Variants in LARP6 observed in about 807,000 individuals in gnomAD.
LARP6 encodes the protein la-related protein 6.
LARP6 carries 18 observed loss-of-function variants against 32.8 expected under a neutral mutation model. That is an observed-to-expected ratio of 0.55 (90% CI 0.38 to 0.81). LARP6 has a LOEUF of 0.81. LARP6 is among the 40% of genes least tolerant of loss of function. The pLI, the probability that LARP6 is intolerant of heterozygous loss-of-function variation, is 0.00. For synonymous variants in LARP6, 289 were observed against 267.2 expected, an observed-to-expected ratio of 1.08 and a Z score of -0.80; for missense variants, 598 against 663.1, an observed-to-expected ratio of 0.90 and a Z score of 1.08.
At chr15:70,850,427 T>C (rs997068578) in intron 1 of LARP6, among the ~76,000 whole-genome samples, 10 of 152,182 alleles carry the variant, frequency 6.6e-5, no homozygotes, top group African/African-American at 2.2e-4. Flanking sequence ...CTGATGAACA[T>C]AGATGCAAAA....
intron 1 of LARP6, among the ~76,000 whole-genome samples, chr15:70,843,838 T>C (rs918356263): frequency 1.1e-4 from 16 of 151,952 alleles, no homozygotes; most frequent in Admixed American, 3.3e-4. Context: ...TGTATTTTAG[T>C]AGAGACAGGG....
chr15:70,845,929 T>C (rs1244049876), intron 1 of LARP6, among the ~76,000 whole-genome samples: 1 of 152,266 alleles, frequency 6.6e-6, no homozygotes, highest in Non-Finnish European at 1.5e-5. Flanking sequence ...TAGATCTCCG[T>C]AGTGAGCTCA....
chr15:70,837,296 G>A (rs917218521), intron 1 of LARP6, among the ~76,000 whole-genome samples: 5 of 152,006 alleles, frequency 3.3e-5, no homozygotes, highest in African/African-American at 1.2e-4. Context: ...GGTGGGAGGA[G>A]AGCTTGAACC....
chr15:70,834,484 T>C (rs1424128285), intron 2 of LARP6, among the ~76,000 whole-genome samples: 1 of 152,182 alleles, frequency 6.6e-6, no homozygotes, highest in East Asian at 1.9e-4. Flanking sequence ...TGGTGAAGCC[T>C]TCTCCGAAAA....
intron 1 of LARP6, 136 bp from the exon 2 acceptor site, chr15:70,836,641 T>A: frequency 1.5e-6 from 1 of 684,470 alleles, no homozygotes. Context: ...GCAGATGCAA[T>A]TAATTAAGAT....
chr15:70,853,851 C>G, intron 1 of LARP6, 38 bp downstream of exon 1: 3 of 1,225,928 alleles, frequency 2.4e-6, no homozygotes, highest in Non-Finnish European at 3.1e-6. Flanking sequence ...CCCGGCGCCC[C>G]CTCGGGGCCC....
chr15:70,836,603 A>C (rs1470212606), intron 1 of LARP6, 98 bp from the exon 2 acceptor site: 1 of 941,690 alleles, frequency 1.1e-6, no homozygotes, highest in Non-Finnish European at 1.7e-6. Flanking sequence ...ACCTTGGAGT[A>C]TGATGTTATT....
Position 70,832,525 on chromosome 15 carries a change from A to G in LARP6, c.1003T>C (p.Ser335Pro). 1 of 1,544,488 alleles carries G rather than the reference A, an allele frequency of 6.5e-7. No homozygotes were observed. The highest frequency in any genetic ancestry group is 1.3e-5 in the South Asian group (1 of 77,850). The change falls in exon 3 of 3, where the codon TCT (serine) becomes CCT (proline). Residue 335 changes from serine to proline, a missense_variant. Transcript: ENST00000299213. ...EELQYMGDES[S>P]ANSSSDPESN... ...TCGGGGTCAGAGGAGCTGTTGGCAG[A>G]AGACTCATCACCCATGTACTGAAGC...
At chr15:70,844,172 G>T (rs1231759765) in intron 1 of LARP6, among the ~76,000 whole-genome samples, 2 of 152,062 alleles carry the variant, frequency 1.3e-5, no homozygotes, top group East Asian at 3.9e-4. Context: ...GGCCAGGCTG[G>T]TCTCAAACTC....
chr15:70,838,928 G>C, intron 1 of LARP6, among the ~76,000 whole-genome samples: 1 of 104,684 alleles, frequency 9.6e-6, no homozygotes, highest in African/African-American at 3.1e-5. Flanking sequence ...AAAAAAAAAA[G>C]AAAAGAAGCA....
chr15:70,841,155 C>T (rs1204442556), intron 1 of LARP6, among the ~76,000 whole-genome samples: 1 of 152,048 alleles, frequency 6.6e-6, no homozygotes, highest in African/African-American at 2.4e-5. Flanking sequence ...CCTCGTGATC[C>T]GCCCACCTCG....
chr15:70,842,444 A>G (rs1277295781), intron 1 of LARP6, among the ~76,000 whole-genome samples: 1 of 152,080 alleles, frequency 6.6e-6, no homozygotes, highest in African/African-American at 2.4e-5. Flanking sequence ...TAAGCTCATC[A>G]AATTCAAATC....
Position 70,831,075 on chromosome 15 carries a change from A to G in LARP6, c.*977T>C, listed in dbSNP as rs138542219. On this transcript the variant is annotated 3_prime_UTR_variant, in exon 3 of 3. Transcript: ENST00000299213. ...TCCAGCGTGCATCAGAATCACCTGC[A>G]GCGTTTGTTAAAACCCAAATTCCAG... 6.6e-6 allele frequency: 1 copy of G among 152,348 alleles called. No homozygotes were observed. Among genetic ancestry groups the G allele is most frequent in the Non-Finnish European group, 1.5e-5 (1 of 68,042 alleles). The allele number at this position is 152,348 out of a possible 1,614,324, so 9.4% of individuals were successfully genotyped here. A position where few individuals can be genotyped will look rare whatever the true frequency, so the allele number is the denominator to read the frequency against.
At chr15:70,850,648 T>C (rs976928811) in intron 1 of LARP6, among the ~76,000 whole-genome samples, 1 of 152,222 alleles carries the variant, frequency 6.6e-6, no homozygotes, top group African/African-American at 2.4e-5. Flanking sequence ...AGAAATCTCC[T>C]TAATCGAATG....
At chr15:70,847,354 C>T (rs955746032) in intron 1 of LARP6, among the ~76,000 whole-genome samples, 2 of 151,534 alleles carry the variant, frequency 1.3e-5, no homozygotes, top group Admixed American at 6.6e-5. Flanking sequence ...TAATTGGGTT[C>T]CATGAATCAG....
chr15:70,838,337 C>T (rs543910873), intron 1 of LARP6, among the ~76,000 whole-genome samples: 17 of 152,312 alleles, frequency 1.1e-4, no homozygotes, highest in African/African-American at 3.8e-4. Flanking sequence ...TGAATTAATA[C>T]ATGAAAATAT....
Position 70,831,308 on chromosome 15 carries a change from G to A in LARP6, c.*744C>T, listed in dbSNP as rs2032036088. 1 of 152,200 alleles carries A rather than the reference G, an allele frequency of 6.6e-6. No individual in the cohort carries two copies. The highest frequency in any genetic ancestry group is 2.4e-5 in the African/African-American group (1 of 41,428). 9.4% of individuals were successfully genotyped at this position (152,200 alleles called of 1,614,324 possible). A position where few individuals can be genotyped will look rare whatever the true frequency, so the allele number is the denominator to read the frequency against. On this transcript the variant is annotated 3_prime_UTR_variant, in exon 3 of 3. Transcript: ENST00000299213. ...CAAGGAGAGCCCTGGGGCTGCCCTG[G>A]GGTACAGTGAGAAACCCTAAATGCC...
chr15:70,831,473 A>G lies in LARP6; in HGVS notation c.*579T>C, dbSNP rs1483657633. Reference sequence around the variant, plus strand: ...GCTAAGCTCCTCAGGGCCTCATGACATACCACCCACAGCTCTGTCAGACAG... The same window carrying G: ...GCTAAGCTCCTCAGGGCCTCATGACGTACCACCCACAGCTCTGTCAGACAG... On this transcript the variant is annotated 3_prime_UTR_variant, in exon 3 of 3. Coordinates refer to ENST00000299213, the MANE Select transcript of LARP6 (RefSeq NM_018357.4). 1 of 152,262 alleles carries G rather than the reference A, an allele frequency of 6.6e-6. No homozygotes were observed. The highest frequency in any genetic ancestry group is 1.9e-4 in the East Asian group (1 of 5,200). The allele number at this position is 152,262 out of a possible 1,614,324, so 9.4% of individuals were successfully genotyped here. A position where few individuals can be genotyped will look rare whatever the true frequency, so the allele number is the denominator to read the frequency against.
chr15:70,834,231 C>T (rs1281413196), intron 2 of LARP6, among the ~76,000 whole-genome samples: 1 of 152,208 alleles, frequency 6.6e-6, no homozygotes, highest in African/African-American at 2.4e-5. Flanking sequence ...AGACCCATTA[C>T]TATACACAGG....
Sources: allele counts gnomAD v4.1 joint callset (sites outside exome capture counted in the v4.1 genomes callset), GRCh38; gene constraint gnomAD v4.1.1; transcripts MANE v1.5; gene names NCBI Gene and HGNC (gene_info 2026-07-23, HGNC 2026-07-21).